The following PCDHA4 variants were observed in gnomAD, a reference collection of about 807,000 sequenced individuals.
PCDHA4 encodes protocadherin alpha-4.
PCDHA4 carries 49 observed loss-of-function variants against 61.4 expected under a neutral mutation model. That is an observed-to-expected ratio of 0.80 (90% CI 0.63 to 1.01). PCDHA4 has a LOEUF of 1.01. Ranked by LOEUF, PCDHA4 falls within the 50% of genes least tolerant of loss-of-function variation. PCDHA4 has a pLI of 0.00. For synonymous variants in PCDHA4, 590 were observed against 550.3 expected, an observed-to-expected ratio of 1.07 and a Z score of -1.01; for missense variants, 1,254 against 1,235.8, an observed-to-expected ratio of 1.01 and a Z score of -0.22.
intron 1 of PCDHA4, chr5:140,822,809 A>G: frequency 1.9e-6 from 3 of 1,614,196 alleles, no homozygotes; most frequent in Non-Finnish European, 2.5e-6. Flanking sequence ...GTGAATGATA[A>G]TACCCCAGAG....
chr5:140,907,298 A>G (rs138771358), intron 1 of PCDHA4, among the ~76,000 whole-genome samples: 4 of 152,162 alleles, frequency 2.6e-5, no homozygotes, highest in Non-Finnish European at 4.4e-5. Flanking sequence ...CTGCTTCAGG[A>G]TGATGGGGAA....
At chr5:140,829,072 T>G in intron 1 of PCDHA4, 2 of 1,612,584 alleles carry the variant, frequency 1.2e-6, no homozygotes, top group Non-Finnish European at 1.7e-6. Context: ...ACAAAGGCCA[T>G]CCTCCCATGG....
rs1346870417 is a variant in PCDHA4 at position 140,982,634 on chromosome 5, TC to T, written c.2533+72del. 11 of 1,555,302 alleles carry T rather than the reference TC, an allele frequency of 7.1e-6. No homozygotes were observed. In the Admixed American group the frequency reaches 2.2e-4, roughly 30 times the overall value. ...GATCAGATGACCTACTTTTGTAAGATCAGGAATGTTGATGGCTCTTTTTCTT... is the reference window on the plus strand; with the variant it reads ...GATCAGATGACCTACTTTTGTAAGATAGGAATGTTGATGGCTCTTTTTCTT... On this transcript the variant is annotated intron_variant, in intron 3 of 3. Transcript: ENST00000530339.
intron 1 of PCDHA4, chr5:140,858,577 A>T: frequency 7.4e-7 from 1 of 1,352,316 alleles, no homozygotes; most frequent in Non-Finnish European, 1.0e-6. Context: ...ATACCTTTGT[A>T]ATATAATTTA....
In PCDHA4 at chr5:140,809,296, C is replaced by T; in HGVS notation, c.2109C>T (p.Ala703=). ...LVDVNVYLII[A]ICAVSSLLVL... ...ATGTCAACGTATACCTGATCATTGC[C>T]ATCTGCGCGGTGTCCAGCCTTTTGG... Residue 703 remains alanine, a synonymous_variant, in exon 1 of 4, where the codon GCC becomes GCT. Transcript: ENST00000530339. The T allele has an allele frequency of 6.2e-7, 1 of 1,614,130 alleles. No homozygotes were observed. Among genetic ancestry groups the T allele is most frequent in the Non-Finnish European group, 8.5e-7 (1 of 1,179,956 alleles).
At chr5:140,862,674 C>G (rs782474067) in intron 1 of PCDHA4, 12 of 549,972 alleles carry the variant, frequency 2.2e-5, no homozygotes, top group African/African-American at 3.8e-5. Flanking sequence ...CGCAGGAGAA[C>G]GTGCTGGTGT....
intron 1 of PCDHA4, among the ~76,000 whole-genome samples, chr5:140,896,063 G>A (rs531616608): frequency 1.4e-3 from 217 of 152,130 alleles, no homozygotes; most frequent in African/African-American, 4.7e-3. Flanking sequence ...CGCCTGCCTC[G>A]GCCTCCCAAC....
At chr5:140,858,001 G>A in intron 1 of PCDHA4, 1 of 1,597,108 alleles carries the variant, frequency 6.3e-7, no homozygotes, top group East Asian at 2.2e-5. Flanking sequence ...TGCTGGTGAA[G>A]GACCATGGCG....
In PCDHA4 at chr5:141,012,013, G is replaced by A. The variant is rs181445737; in HGVS notation, c.*2076G>A. 25 of 153,796 alleles carry A rather than the reference G, an allele frequency of 1.6e-4. No homozygotes were observed. The highest frequency in any genetic ancestry group is 2.1e-4 in the South Asian group (1 of 4,818). 9.5% of individuals were successfully genotyped at this position (153,796 alleles called of 1,614,324 possible). A position where few individuals can be genotyped will look rare whatever the true frequency, so the allele number is the denominator to read the frequency against. ...CATTCTCCCATATTTTGAAGGGTGTGTAACTTCAGCTCTGCAGGATTGCAT... is the reference window on the plus strand; with the variant it reads ...CATTCTCCCATATTTTGAAGGGTGTATAACTTCAGCTCTGCAGGATTGCAT... On this transcript the variant is annotated 3_prime_UTR_variant, in exon 4 of 4. Transcript: ENST00000530339.
At chr5:140,882,208 G>C (rs1554173113) in intron 1 of PCDHA4, 2 of 1,531,598 alleles carry the variant, frequency 1.3e-6, no homozygotes, top group East Asian at 4.5e-5. Flanking sequence ...GGCCTTGAGA[G>C]ACAGTTTGAG....
intron 1 of PCDHA4, among the ~76,000 whole-genome samples, chr5:140,972,550 A>G (rs534377572): frequency 6.6e-6 from 1 of 152,114 alleles, no homozygotes; most frequent in Admixed American, 6.5e-5. Context: ...TGCAGTGAGG[A>G]TTCTGAAGTA....
At chr5:140,843,096 C>G (rs2150352451) in intron 1 of PCDHA4, 2 of 1,595,598 alleles carry the variant, frequency 1.3e-6, no homozygotes, top group Non-Finnish European at 8.6e-7. Flanking sequence ...CACGTGGTAG[C>G]GAAGGTGCGC....
At chr5:140,938,125 A>G (rs1339364898) in intron 1 of PCDHA4, among the ~76,000 whole-genome samples, 1 of 152,120 alleles carries the variant, frequency 6.6e-6, no homozygotes, top group Admixed American at 6.5e-5. Context: ...TTTTTTAAAA[A>G]AATAGAGATA....
At chr5:140,866,852 C>T (rs1004486221) in intron 1 of PCDHA4, 1 of 152,106 alleles carries the variant, frequency 6.6e-6, no homozygotes, top group Non-Finnish European at 1.5e-5. Flanking sequence ...TTAACAATAA[C>T]TGTATTGAAA....
intron 1 of PCDHA4, among the ~76,000 whole-genome samples, chr5:140,896,201 C>G (rs1583224545): frequency 6.6e-6 from 1 of 152,344 alleles, no homozygotes; most frequent in African/African-American, 2.4e-5. Context: ...CCATGATGAA[C>G]ATACACATAC....
At chr5:140,996,386 C>G (rs574909973) in intron 3 of PCDHA4, among the ~76,000 whole-genome samples, 1 of 152,268 alleles carries the variant, frequency 6.6e-6, no homozygotes, top group South Asian at 2.1e-4. Flanking sequence ...GAAATAATGC[C>G]TCATAGAGTT....
At chr5:140,817,029 A>T (rs2126677120) in intron 1 of PCDHA4, 5 of 152,076 alleles carry the variant, frequency 3.3e-5, no homozygotes, top group Non-Finnish European at 7.4e-5. Flanking sequence ...TGAGAGAGAG[A>T]GTGCTGAGCT....
chr5:140,954,208 A>C (rs568734009), intron 1 of PCDHA4, among the ~76,000 whole-genome samples: 1 of 152,254 alleles, frequency 6.6e-6, no homozygotes, highest in Admixed American at 6.5e-5. Context: ...GGTTGATCCC[A>C]TGTTTTTGCT....
At chr5:140,876,773 C>A (rs782103064) in intron 1 of PCDHA4, 2 of 1,614,226 alleles carry the variant, frequency 1.2e-6, no homozygotes, top group South Asian at 2.2e-5. Context: ...GGCTCGCCTT[C>A]GCTGTGGGCC....
Sources: allele counts gnomAD v4.1 joint callset (sites outside exome capture counted in the v4.1 genomes callset), GRCh38; gene constraint gnomAD v4.1.1; transcripts MANE v1.5; gene names NCBI Gene and HGNC (gene_info 2026-07-23, HGNC 2026-07-21).